The following ZSCAN5A variants were observed in gnomAD, a reference collection of about 807,000 sequenced individuals.
The protein encoded by ZSCAN5A is zinc finger and SCAN domain-containing protein 5A.
Under a neutral mutation model 23.7 loss-of-function variants are expected in ZSCAN5A, and 12 were observed. The observed-to-expected ratio is 0.51, with a 90% CI of 0.32 to 0.82. The LOEUF (loss-of-function observed/expected upper bound fraction) is 0.82. ZSCAN5A is among the 40% of genes least tolerant of loss of function. ZSCAN5A has a pLI of 0.03. For synonymous variants in ZSCAN5A, 257 were observed against 239.9 expected, an observed-to-expected ratio of 1.07 and a Z score of -0.66; for missense variants, 597 against 617.9, an observed-to-expected ratio of 0.97 and a Z score of 0.36.
intron 2 of ZSCAN5A, among the ~76,000 whole-genome samples, chr19:56,360,002 G>C (rs1403245346): frequency 6.6e-6 from 1 of 152,182 alleles, no homozygotes; most frequent in Non-Finnish European, 1.5e-5. Flanking sequence ...CACTCCCCTT[G>C]AAAACGGGCA....
At chr19:56,228,265 T>C (rs973604803) in intron 2 of ZSCAN5A, 1 of 985,174 alleles carries the variant, frequency 1.0e-6, no homozygotes, top group Non-Finnish European at 1.2e-6. Flanking sequence ...CTTCCCGGCT[T>C]CTGCCTCCGA....
intron 2 of ZSCAN5A, among the ~76,000 whole-genome samples, chr19:56,244,612 G>C (rs1269028535): frequency 7.2e-6 from 1 of 139,556 alleles, no homozygotes; most frequent in African/African-American, 2.8e-5. Context: ...GGGGAGGACA[G>C]GAGACGCTGC....
chr19:56,237,028 C>T (rs947400331), intron 2 of ZSCAN5A, among the ~76,000 whole-genome samples: 1 of 152,244 alleles, frequency 6.6e-6, no homozygotes, highest in Non-Finnish European at 1.5e-5. Context: ...AATGGGAGGC[C>T]TGTCAAAGAC....
chr19:56,249,269 T>C (rs998325668), intron 2 of ZSCAN5A, among the ~76,000 whole-genome samples: 4 of 152,078 alleles, frequency 2.6e-5, no homozygotes, highest in African/African-American at 7.2e-5. Flanking sequence ...CATTGAAAAA[T>C]AGACTTCATT....
Position 56,356,403 on chromosome 19 carries a change from A to G in ZSCAN5A, c.-358+6832T>C, listed in dbSNP as rs1482130266. Among the ~76,000 whole-genome samples, 4 of 148,508 alleles carry G rather than the reference A, an allele frequency of 2.7e-5. 1 individual carries two copies. The highest frequency in any genetic ancestry group is 6.0e-5 in the Non-Finnish European group (4 of 67,210). On this transcript the variant is annotated intron_variant, in intron 2 of 6. Transcript: ENST00000587340. ...GGGAATACATGGTTGTGTAATATAT[A>G]CGTATCAATCTTATGACCTTGCAGC...
chr19:56,285,104 C>A (rs1170962896), intron 2 of ZSCAN5A: 6 of 722,222 alleles, frequency 8.3e-6, no homozygotes, highest in Non-Finnish European at 8.5e-6. Flanking sequence ...GTCATTTATG[C>A]TTTTAGGTAG....
chr19:56,224,583 G>A (rs1363542539), intron 3 of ZSCAN5A, 80 bp downstream of exon 3: 1 of 1,512,118 alleles, frequency 6.6e-7, no homozygotes, highest in South Asian at 1.3e-5. Flanking sequence ...CAGCCCCTCG[G>A]GTCCTCTCGA....
At chr19:56,320,700 A>G in intron 2 of ZSCAN5A, 3 of 942,314 alleles carry the variant, frequency 3.2e-6, no homozygotes, top group South Asian at 2.6e-5. Context: ...TTAATCCCAT[A>G]GTTCACCTCT....
At chr19:56,285,544 T>C (rs187948829) in intron 2 of ZSCAN5A, among the ~76,000 whole-genome samples, 54 of 152,344 alleles carry the variant, frequency 3.5e-4, no homozygotes, top group Non-Finnish European at 5.9e-5. Context: ...TAGTTTTTTT[T>C]CTAATATATA....
intron 2 of ZSCAN5A, among the ~76,000 whole-genome samples, chr19:56,293,351 C>T (rs1283769471): frequency 2.0e-5 from 3 of 152,144 alleles, no homozygotes; most frequent in African/African-American, 7.2e-5. Flanking sequence ...AGTCTGGATC[C>T]CAAACGGTGC....
Position 56,337,635 on chromosome 19 carries a change from G to A in ZSCAN5A, c.-357-21367C>T, listed in dbSNP as rs372684486. ...GGCACTCCCCAGTGAGATGAACCCA[G>A]TACCTCAGTTGGAAATGCAGAAGTC... On this transcript the variant is annotated intron_variant, in intron 2 of 6. Coordinates refer to the ZSCAN5A transcript ENST00000587340. 7.2e-5 allele frequency among the ~76,000 whole-genome samples: 11 copies of A among 152,294 alleles called. No individual in the cohort carries two copies. In the East Asian group the frequency reaches 1.7e-3, roughly 24 times the overall value.
chr19:56,251,326 GT>G (rs2036325829), intron 2 of ZSCAN5A, among the ~76,000 whole-genome samples: 1 of 152,068 alleles, frequency 6.6e-6, no homozygotes, highest in South Asian at 2.1e-4. Flanking sequence ...TTTCTGTGTA[GT>G]TGAAGATACA....
At chr19:56,337,610 G>T (rs143231082) in intron 2 of ZSCAN5A, among the ~76,000 whole-genome samples, 3,330 of 152,232 alleles carry the variant, frequency 0.022, 117 homozygotes, top group African/African-American at 0.076. Context: ...CCCACTGTCC[G>T]GCACTCCCCA....
At chr19:56,281,327 A>C (rs930475703) in intron 2 of ZSCAN5A, among the ~76,000 whole-genome samples, 5 of 150,390 alleles carry the variant, frequency 3.3e-5, no homozygotes, top group Admixed American at 2.7e-4. Context: ...ATGTAGTTCA[A>C]ACCTGTATTG....
At chr19:56,277,306 G>T (rs1057413398) in intron 2 of ZSCAN5A, among the ~76,000 whole-genome samples, 1 of 152,202 alleles carries the variant, frequency 6.6e-6, no homozygotes, top group African/African-American at 2.4e-5. Context: ...TTAATGAATG[G>T]AGAAACAGAG....
intron 2 of ZSCAN5A, among the ~76,000 whole-genome samples, chr19:56,337,267 C>T (rs537451743): frequency 2.0e-5 from 3 of 152,244 alleles, no homozygotes; most frequent in Non-Finnish European, 4.4e-5. Context: ...TTTACCTACT[C>T]AAGCCCCGGC....
rs201870914 is a variant in ZSCAN5A, at chr19:56,224,426, T to A, written c.384+237A>T. ...AGCACAGCTGATATTGGAATCTGGA[T>A]GATTATTTGTCATGATGGGTTGTCC... On this transcript the variant is annotated intron_variant, in intron 3 of 5. Transcript: ENST00000683990. 1.6e-3 allele frequency: 1,021 copies of A among 642,716 alleles called. 2 individuals are homozygous for A. The highest frequency in any genetic ancestry group is 2.0e-3 in the Non-Finnish European group (792 of 396,484). The allele number at this position is 642,716 out of a possible 1,614,324, so 39.8% of individuals were successfully genotyped here.
intron 2 of ZSCAN5A, among the ~76,000 whole-genome samples, chr19:56,300,356 C>T (rs1044943947): frequency 1.3e-5 from 2 of 152,120 alleles, no homozygotes; most frequent in Non-Finnish European, 1.5e-5. Context: ...CATGGTTCAC[C>T]GTAAATTCAC....
At chr19:56,346,127 G>A (rs1266566285) in intron 2 of ZSCAN5A, among the ~76,000 whole-genome samples, 1 of 143,946 alleles carries the variant, frequency 6.9e-6, no homozygotes, top group African/African-American at 2.6e-5. Context: ...AGTCAGCTGA[G>A]AAGAAAAAAC....
Sources: allele counts gnomAD v4.1 joint callset (sites outside exome capture counted in the v4.1 genomes callset), GRCh38; gene constraint gnomAD v4.1.1; transcripts MANE v1.5; gene names NCBI Gene and HGNC (gene_info 2026-07-23, HGNC 2026-07-21).